Variants in COP1 observed in about 807,000 individuals in gnomAD.
COP1 encodes the protein COP1 E3 ubiquitin ligase.
Under a neutral mutation model 101.3 loss-of-function variants are expected in COP1, and 24 were observed. That is an observed-to-expected ratio of 0.24 (90% CI 0.17 to 0.33). The LOEUF is 0.33. COP1 is among the 10% of genes least tolerant of loss of function. The probability of loss-of-function intolerance (pLI) is 1.00; values close to 1 mark genes in which losing one functional copy is unlikely to be tolerated. For missense variants in COP1, 663 were observed against 906.2 expected, an observed-to-expected ratio of 0.73 and a Z score of 3.45; for synonymous variants, 347 against 341.9, an observed-to-expected ratio of 1.01 and a Z score of -0.17.
chr1:176,046,602 C>G (rs555885796), intron 11 of COP1, among the ~76,000 whole-genome samples: 1 of 151,966 alleles, frequency 6.6e-6, no homozygotes, highest in Non-Finnish European at 1.5e-5. Context: ...GTTCTAATAA[C>G]CATATTACAG....
At chr1:176,018,174 A>C (rs941868499) in intron 15 of COP1, among the ~76,000 whole-genome samples, 1 of 152,168 alleles carries the variant, frequency 6.6e-6, no homozygotes, top group Non-Finnish European at 1.5e-5. Context: ...TTTGTGAATA[A>C]TCTCTCCAAC....
At chr1:175,999,562 C>G (rs937499872) in intron 15 of COP1, among the ~76,000 whole-genome samples, 20 of 151,894 alleles carry the variant, frequency 1.3e-4, no homozygotes, top group African/African-American at 4.8e-4. Context: ...AACAGTGCCG[C>G]AAAAAACATG....
chr1:176,150,074 G>A (rs1277349286), intron 5 of COP1, among the ~76,000 whole-genome samples: 1 of 152,142 alleles, frequency 6.6e-6, no homozygotes, highest in Non-Finnish European at 1.5e-5. Flanking sequence ...CTCTAGAAAA[G>A]GTTCCAGGAA....
At chr1:175,966,398 C>T (rs550725213) in intron 18 of COP1, among the ~76,000 whole-genome samples, 27 of 152,272 alleles carry the variant, frequency 1.8e-4, no homozygotes, top group African/African-American at 6.5e-4. Flanking sequence ...ATATGGATTA[C>T]TTCACTTAAT....
chr1:176,162,390 C>T (rs1396682652), intron 5 of COP1, among the ~76,000 whole-genome samples: 1 of 152,136 alleles, frequency 6.6e-6, no homozygotes, highest in African/African-American at 2.4e-5. Context: ...TTTTACATTA[C>T]ATTAAATAAG....
intron 15 of COP1, among the ~76,000 whole-genome samples, chr1:175,991,327 G>A (rs1340772573): frequency 6.6e-6 from 1 of 151,940 alleles, no homozygotes. Flanking sequence ...CTGTAACAAT[G>A]GTAAATATTT....
intron 3 of COP1, among the ~76,000 whole-genome samples, chr1:176,169,281 A>G (rs914918068): frequency 1.3e-5 from 2 of 152,240 alleles, no homozygotes; most frequent in Admixed American, 6.5e-5. Context: ...TACATTCACT[A>G]TAGAATTTTA....
At chr1:176,104,777 C>A (rs1341383193) in intron 9 of COP1, among the ~76,000 whole-genome samples, 2 of 152,092 alleles carry the variant, frequency 1.3e-5, no homozygotes, top group Non-Finnish European at 2.9e-5. Flanking sequence ...ACCCAGCAAT[C>A]CCACTTCTAG....
chr1:176,182,589 T>C (rs561459384), intron 2 of COP1, among the ~76,000 whole-genome samples: 1 of 152,166 alleles, frequency 6.6e-6, no homozygotes, highest in Non-Finnish European at 1.5e-5. Context: ...AGTGACAAGG[T>C]TGAGAAAGCC....
At chr1:176,030,811 AC>A (rs1668535010) in intron 14 of COP1, among the ~76,000 whole-genome samples, 1 of 152,172 alleles carries the variant, frequency 6.6e-6, no homozygotes, top group African/African-American at 2.4e-5. Flanking sequence ...TTCAGTCCTA[AC>A]CCCAGGTACT....
At chr1:175,987,451 T>C (rs1309465409) in intron 17 of COP1, among the ~76,000 whole-genome samples, 1 of 152,176 alleles carries the variant, frequency 6.6e-6, no homozygotes, top group East Asian at 1.9e-4. Flanking sequence ...AAGTCTATAG[T>C]AGAACCAGAA....
Position 176,141,851 on chromosome 1 carries a change from C to A in COP1, c.832-5304G>T, listed in dbSNP as rs138631703. Among the ~76,000 whole-genome samples the A allele has an allele frequency of 2.6e-3, 397 of 152,100 alleles. 3 individuals are homozygous for A. The highest frequency in any genetic ancestry group is 9.1e-3 in the African/African-American group (379 of 41,508). On this transcript the variant is annotated intron_variant, in intron 6 of 19. Transcript: ENST00000367669. ...GCTCAAGCAATTCTCTCACCTCAGC[C>A]TCCCAAGTAGCGGGGACTACAGGCA...
intron 11 of COP1, among the ~76,000 whole-genome samples, chr1:176,078,396 A>G (rs1394327136): frequency 6.6e-6 from 1 of 152,212 alleles, no homozygotes; most frequent in Non-Finnish European, 1.5e-5. Flanking sequence ...AGCAATGGGG[A>G]AAGGACTCCC....
intron 11 of COP1, among the ~76,000 whole-genome samples, chr1:176,067,202 A>G (rs945143172): frequency 3.3e-5 from 5 of 152,128 alleles, no homozygotes; most frequent in Admixed American, 2.6e-4. Flanking sequence ...ATGTAGGTAC[A>G]AATTGTAACA....
intron 1 of COP1, among the ~76,000 whole-genome samples, chr1:176,186,877 G>A (rs1359675252): frequency 3.9e-5 from 6 of 152,124 alleles, no homozygotes; most frequent in Admixed American, 3.9e-4. Flanking sequence ...TTGGGTATGA[G>A]ACAAAAATCA....
chr1:176,099,196 A>G (rs1682943755), intron 9 of COP1, among the ~76,000 whole-genome samples: 1 of 152,212 alleles, frequency 6.6e-6, no homozygotes. Context: ...GGCTTATAAC[A>G]AGCTATAGGA....
intron 6 of COP1, among the ~76,000 whole-genome samples, chr1:176,148,368 A>G (rs1373342920): frequency 6.6e-6 from 1 of 151,612 alleles, no homozygotes; most frequent in Middle Eastern, 3.2e-3. Flanking sequence ...ACATAAACAT[A>G]CCAGGTTCCA....
chr1:175,983,532 G>A (rs1464650573), intron 18 of COP1, among the ~76,000 whole-genome samples: 1 of 152,140 alleles, frequency 6.6e-6, no homozygotes, highest in Non-Finnish European at 1.5e-5. Context: ...TTTATCAGCA[G>A]TGTGAAAATG....
chr1:175,977,312 A>G (rs1252581499), intron 18 of COP1, among the ~76,000 whole-genome samples: 2 of 152,184 alleles, frequency 1.3e-5, no homozygotes, highest in African/African-American at 4.8e-5. Context: ...TCACAATTCA[A>G]ATAAAGAATA....
Sources: allele counts gnomAD v4.1 joint callset (sites outside exome capture counted in the v4.1 genomes callset), GRCh38; gene constraint gnomAD v4.1.1; transcripts MANE v1.5; gene names NCBI Gene and HGNC (gene_info 2026-07-23, HGNC 2026-07-21).